Variants in BABAM2 observed in about 807,000 individuals in gnomAD.
The protein encoded by BABAM2 is BRISC and BRCA1 A complex member 2, also known as BRISC and BRCA1-A complex member 2.
A neutral mutation model predicts 54.7 loss-of-function variants in BABAM2; 31 were observed. The observed-to-expected ratio is 0.57, with a 90% CI of 0.43 to 0.77. The LOEUF is 0.77. Ranked by LOEUF, BABAM2 falls within the 30% of genes least tolerant of loss-of-function variation. BABAM2 has a pLI of 0.00. For synonymous variants in BABAM2, 167 were observed against 162.9 expected (o/e 1.03, Z -0.19); for missense variants, 364 against 455.8 (o/e 0.80, Z 1.83).
chr2:28,116,438 A>G (rs1487880506), intron 6 of BABAM2, among the ~76,000 whole-genome samples: 1 of 152,228 alleles, frequency 6.6e-6, no homozygotes, highest in Non-Finnish European at 1.5e-5. Flanking sequence ...GTTAATGAGC[A>G]TGTGCTGCCA....
At chr2:28,288,827 G>A (rs1406402674) in intron 10 of BABAM2, among the ~76,000 whole-genome samples, 2 of 152,128 alleles carry the variant, frequency 1.3e-5, no homozygotes, top group Admixed American at 6.5e-5. Flanking sequence ...GACACCGCGT[G>A]TGTGCCTCTG....
intron 3 of BABAM2, among the ~76,000 whole-genome samples, chr2:27,933,764 G>GTTTT (rs59022185): frequency 1.2e-3 from 129 of 110,708 alleles, no homozygotes; most frequent in Middle Eastern, 6.3e-3. Flanking sequence ...TGCCTGGCTT[G>GTTTT]TTTTTTTTTT....
intron 7 of BABAM2, among the ~76,000 whole-genome samples, chr2:28,140,394 G>A (rs1670936037): frequency 6.6e-6 from 1 of 152,138 alleles, no homozygotes; most frequent in South Asian, 2.1e-4. Context: ...CATAGGAGAA[G>A]CGCTTGACTA....
intron 7 of BABAM2, among the ~76,000 whole-genome samples, chr2:28,154,212 A>G (rs1043602237): frequency 6.6e-6 from 1 of 152,204 alleles, no homozygotes; most frequent in Non-Finnish European, 1.5e-5. Context: ...GTACTTCTCA[A>G]GTGTCTTAAA....
chr2:28,335,159 T>A (rs1691324251), intron 11 of BABAM2, among the ~76,000 whole-genome samples: 1 of 2,028 alleles, frequency 4.9e-4, no homozygotes. Context: ...ACCTTCTTTT[T>A]TTTTTTTTTT....
chr2:28,285,395 T>C (rs1290974269), intron 10 of BABAM2, among the ~76,000 whole-genome samples: 1 of 152,192 alleles, frequency 6.6e-6, no homozygotes, highest in Admixed American at 6.5e-5. Context: ...AATATCCCCA[T>C]TCCACACATT....
At position 28,167,344 on chromosome 2, in the gene BABAM2, G is replaced by A. The variant is rs546207224; in HGVS notation, c.680+37964G>A. On this transcript the variant is annotated intron_variant, in intron 7 of 11. Transcript: ENST00000379624. ...GGAAAACATTTTTAAGCATCCTTAA[G>A]GATTTCATAAATGTATTTATTTCTA... 3.1e-4 allele frequency among the ~76,000 whole-genome samples: 47 copies of A among 152,274 alleles called. 1 individual carries two copies. In the South Asian group the frequency reaches 9.5e-3, roughly 31 times the overall value.
At chr2:28,015,806 A>G in intron 4 of BABAM2, 1 of 1,000,858 alleles carries the variant, frequency 1.0e-6, no homozygotes, top group Non-Finnish European at 1.4e-6. Flanking sequence ...TGTTTTTCTC[A>G]TGCTTCTTTT....
At chr2:28,271,411 C>T (rs114390556) in intron 10 of BABAM2, among the ~76,000 whole-genome samples, 26 of 150,572 alleles carry the variant, frequency 1.7e-4, no homozygotes, top group Non-Finnish European at 3.3e-4. Context: ...ATTTCCTCTC[C>T]TCGTGGCCTG....
intron 10 of BABAM2, among the ~76,000 whole-genome samples, chr2:28,268,475 G>GT (rs1446670072): frequency 3.9e-5 from 6 of 152,290 alleles, no homozygotes; most frequent in African/African-American, 1.4e-4. Flanking sequence ...TTTTTCTGCT[G>GT]TGTTTCAGAC....
chr2:28,250,318 C>T (rs1487702932), intron 10 of BABAM2, among the ~76,000 whole-genome samples: 22 of 118,782 alleles, frequency 1.9e-4, no homozygotes, highest in East Asian at 1.0e-3. Context: ...ATTTGTTGAA[C>T]TTTTTTTTTT....
At chr2:28,043,768 AG>A (rs750015743) in intron 5 of BABAM2, among the ~76,000 whole-genome samples, 5 of 152,216 alleles carry the variant, frequency 3.3e-5, no homozygotes, top group African/African-American at 4.8e-5. Flanking sequence ...ACAGAAGGCA[AG>A]AATTATAATA....
intron 7 of BABAM2, among the ~76,000 whole-genome samples, chr2:28,193,199 T>C (rs776968043): frequency 6.6e-5 from 10 of 152,128 alleles, no homozygotes; most frequent in Non-Finnish European, 1.3e-4. Context: ...TAGTTCTGTT[T>C]ATGGTACCTA....
chr2:28,142,727 C>T (rs1671168123), intron 7 of BABAM2, among the ~76,000 whole-genome samples: 3 of 152,090 alleles, frequency 2.0e-5, no homozygotes. Context: ...TTTTTCCTAA[C>T]TTTAACTTTG....
At chr2:28,139,079 G>A (rs1670796435) in intron 7 of BABAM2, among the ~76,000 whole-genome samples, 1 of 152,082 alleles carries the variant, frequency 6.6e-6, no homozygotes. Flanking sequence ...GTGGGACCAG[G>A]GATAGGTACT....
intron 4 of BABAM2, among the ~76,000 whole-genome samples, chr2:28,008,252 A>G (rs192008408): frequency 4.6e-5 from 7 of 152,288 alleles, no homozygotes; most frequent in East Asian, 3.9e-4. Flanking sequence ...AACTTCAGCT[A>G]TTCTTTTGCT....
At chr2:28,321,716 G>A (rs975033043) in intron 11 of BABAM2, among the ~76,000 whole-genome samples, 1 of 152,168 alleles carries the variant, frequency 6.6e-6, no homozygotes, top group Non-Finnish European at 1.5e-5. Flanking sequence ...AAACCAGCAG[G>A]GACCCAGAAA....
chr2:28,008,781 A>G (rs936877917), intron 4 of BABAM2, among the ~76,000 whole-genome samples: 1 of 152,186 alleles, frequency 6.6e-6, no homozygotes. Flanking sequence ...GGATGATATT[A>G]CAGTTCTAGG....
intron 10 of BABAM2, among the ~76,000 whole-genome samples, chr2:28,246,651 T>G (rs1473236713): frequency 6.6e-6 from 1 of 152,240 alleles, no homozygotes; most frequent in African/African-American, 2.4e-5. Context: ...GCCTGTCTTT[T>G]TTCCTGAATC....
Sources: allele counts gnomAD v4.1 joint callset (sites outside exome capture counted in the v4.1 genomes callset), GRCh38; gene constraint gnomAD v4.1.1; transcripts MANE v1.5; gene names NCBI Gene and HGNC (gene_info 2026-07-23, HGNC 2026-07-21).